The following ENOPH1 variants were observed in gnomAD, a reference collection of about 807,000 sequenced individuals.
ENOPH1 encodes enolase-phosphatase 1, also known as enolase-phosphatase E1.
A neutral mutation model predicts 31.1 loss-of-function variants in ENOPH1; 14 were observed. The observed-to-expected ratio is 0.45, with a 90% CI of 0.30 to 0.70. The LOEUF is 0.70. ENOPH1 is among the 30% of genes least tolerant of loss of function. The probability of loss-of-function intolerance (pLI) is 0.09; values close to 1 mark genes in which losing one functional copy is unlikely to be tolerated. For missense variants in ENOPH1, 243 were observed against 321.5 expected (o/e 0.76, Z 1.87); for synonymous variants, 127 against 123.2 (o/e 1.03, Z -0.21).
chr4:82,448,894 TAAAAATACA>T (rs1578099814), intron 2 of ENOPH1, among the ~76,000 whole-genome samples: 1 of 150,490 alleles, frequency 6.6e-6, no homozygotes, highest in African/African-American at 2.4e-5. Flanking sequence ...CCGTCTCTAC[TAAAAATACA>T]AAAAATTAGC....
At chr4:82,458,021 C>G (rs995877588) in intron 5 of ENOPH1, among the ~76,000 whole-genome samples, 7 of 152,216 alleles carry the variant, frequency 4.6e-5, no homozygotes, top group African/African-American at 1.7e-4. Context: ...CCCTTTGATT[C>G]TCTGTAAGGA....
At chr4:82,433,979 G>T (rs1022102370) in intron 1 of ENOPH1, among the ~76,000 whole-genome samples, 2 of 152,134 alleles carry the variant, frequency 1.3e-5, no homozygotes, top group African/African-American at 4.8e-5. Context: ...TGGAATGATG[G>T]AAGGAAACAT....
intron 3 of ENOPH1, 144 bp from the exon 4 acceptor site, chr4:82,454,578 C>G (rs1471521186): frequency 6.4e-6 from 5 of 783,354 alleles, no homozygotes; most frequent in African/African-American, 1.7e-5. Flanking sequence ...TTTATTAGAA[C>G]TGCAGGAGTT....
intron 3 of ENOPH1, among the ~76,000 whole-genome samples, chr4:82,451,641 A>C (rs1301925816): frequency 6.6e-6 from 1 of 152,188 alleles, no homozygotes; most frequent in Non-Finnish European, 1.5e-5. Flanking sequence ...TTTGTGCCCC[A>C]CCGTGTTGAG....
chr4:82,458,936 A>G (rs968498060), intron 5 of ENOPH1, among the ~76,000 whole-genome samples: 4 of 152,168 alleles, frequency 2.6e-5, no homozygotes, highest in African/African-American at 9.7e-5. Context: ...TGGGTGGAAG[A>G]AACAGCTCAG....
intron 1 of ENOPH1, among the ~76,000 whole-genome samples, chr4:82,437,681 G>A (rs1721942950): frequency 6.6e-6 from 1 of 152,230 alleles, no homozygotes; most frequent in Non-Finnish European, 1.5e-5. Context: ...AGTACCATGT[G>A]TAGTATTTGC....
At chr4:82,432,603 G>A (rs1721800820) in intron 1 of ENOPH1, among the ~76,000 whole-genome samples, 1 of 152,036 alleles carries the variant, frequency 6.6e-6, no homozygotes, top group Non-Finnish European at 1.5e-5. Context: ...CCAAAGTGCT[G>A]GAATTACAGG....
chr4:82,446,488 C>T (rs141715144), intron 1 of ENOPH1, among the ~76,000 whole-genome samples: 63 of 152,112 alleles, frequency 4.1e-4, no homozygotes, highest in Non-Finnish European at 6.5e-4. Flanking sequence ...TGCAATCCTC[C>T]GATGACTTTG....
chr4:82,442,078 C>G (rs1722055495), intron 1 of ENOPH1, among the ~76,000 whole-genome samples: 1 of 152,232 alleles, frequency 6.6e-6, no homozygotes, highest in Non-Finnish European at 1.5e-5. Context: ...TGTAGTCATT[C>G]TGATTGGAAT....
At chr4:82,458,010 T>C (rs1722534101) in intron 5 of ENOPH1, among the ~76,000 whole-genome samples, 1 of 152,172 alleles carries the variant, frequency 6.6e-6, no homozygotes, top group African/African-American at 2.4e-5. Context: ...TGAAATTAGC[T>C]CCCTTTGATT....
Position 82,454,857 on chromosome 4 carries a change from A to G in ENOPH1, c.522+3A>G, listed in dbSNP as rs377399139. On this transcript the variant is annotated splice_donor_region_variant and intron_variant, in intron 4 of 5. Coordinates refer to ENST00000273920, the MANE Select transcript of ENOPH1 (RefSeq NM_021204.5). ...CTACGGAGGGAGATATTCTTGAGGT[A>G]GGTTACCTAGTTTACTTTGTTGTTT... is the stretch of plus-strand genomic sequence containing the variant. 2.0e-4 allele frequency: 329 copies of G among 1,609,320 alleles called. No homozygotes were observed. Among genetic ancestry groups the G allele is most frequent in the Non-Finnish European group, 2.6e-4 (312 of 1,178,698 alleles).
chr4:82,437,516 C>G (rs1437177560), intron 1 of ENOPH1, among the ~76,000 whole-genome samples: 2 of 152,142 alleles, frequency 1.3e-5, no homozygotes, highest in East Asian at 3.8e-4. Context: ...CTTTTCGTCT[C>G]CAAGTGTGGG....
At chr4:82,451,669 C>T (rs1397331171) in intron 3 of ENOPH1, among the ~76,000 whole-genome samples, 5 of 152,284 alleles carry the variant, frequency 3.3e-5, no homozygotes, top group African/African-American at 4.8e-5. Context: ...AGAGGATGTC[C>T]GCACTACCAC....
At chr4:82,456,675 C>T (rs1722498994) in intron 4 of ENOPH1, among the ~76,000 whole-genome samples, 1 of 152,066 alleles carries the variant, frequency 6.6e-6, no homozygotes, top group African/African-American at 2.4e-5. Context: ...GTAGTGAAAA[C>T]CAGGTAGATT....
chr4:82,430,731 G>A lies in ENOPH1; in HGVS notation c.-99G>A, dbSNP rs1383010840. 4.4e-6 allele frequency: 5 copies of A among 1,145,868 alleles called. No homozygotes were observed. Among genetic ancestry groups the A allele is most frequent in the South Asian group, 1.3e-5 (1 of 77,104 alleles). 71.0% of individuals were successfully genotyped at this position (1,145,868 alleles called of 1,614,324 possible). On this transcript the variant is annotated 5_prime_UTR_variant, in exon 1 of 6. Coordinates refer to ENST00000273920, the MANE Select transcript of ENOPH1 (RefSeq NM_021204.5). ...GCTGGCTCCGAGATCGCGCGGGGCC[G>A]CCGGAAGCCCAAGACGGTACCGGGG...
chr4:82,445,860 C>G (rs1298253214), intron 1 of ENOPH1, among the ~76,000 whole-genome samples: 2 of 152,192 alleles, frequency 1.3e-5, no homozygotes, highest in Admixed American at 6.5e-5. Context: ...ATTGGATGAT[C>G]AGGAACTCTA....
chr4:82,448,270 G>GGT (rs1722249679), intron 2 of ENOPH1, among the ~76,000 whole-genome samples: 2 of 145,146 alleles, frequency 1.4e-5, no homozygotes, highest in Admixed American at 1.4e-4. Context: ...TGTTTTTTTT[G>GGT]TTTTTTTTTG....
chr4:82,434,814 G>A (rs1721865129), intron 1 of ENOPH1, among the ~76,000 whole-genome samples: 1 of 152,138 alleles, frequency 6.6e-6, no homozygotes, highest in Non-Finnish European at 1.5e-5. Flanking sequence ...GGCTGAGGTG[G>A]GAGAATCGCT....
rs533114619 is a variant in ENOPH1, at chr4:82,432,688, T to C, written c.84+1775T>C. 2.1e-3 allele frequency among the ~76,000 whole-genome samples: 316 copies of C among 151,678 alleles called. 2 individuals carry two copies. The highest frequency in any genetic ancestry group is 7.4e-3 in the African/African-American group (306 of 41,094). On this transcript the variant is annotated intron_variant, in intron 1 of 5. Transcript: ENST00000273920. The stretch of plus-strand genomic sequence containing the variant: ...TTGTTTTGTTTGAGACAGAGTCTTG[T>C]TCTGTCTCCCAGGCTGGAATACAGT...
Sources: allele counts gnomAD v4.1 joint callset (sites outside exome capture counted in the v4.1 genomes callset), GRCh38; gene constraint gnomAD v4.1.1; transcripts MANE v1.5; gene names NCBI Gene and HGNC (gene_info 2026-07-23, HGNC 2026-07-21).